The following KCNG4 variants were observed in gnomAD, a reference collection of about 807,000 sequenced individuals.
KCNG4 encodes potassium voltage-gated channel modifier subfamily G member 4, also known as voltage-gated potassium channel regulatory subunit KCNG4.
Under a neutral mutation model 28.2 loss-of-function variants are expected in KCNG4, and 30 were observed. The ratio of observed to expected loss-of-function variants is 1.06; its 90% CI spans 0.80 to 1.44. The LOEUF (loss-of-function observed/expected upper bound fraction) is 1.44. KCNG4 is among the 40% of genes most tolerant of loss of function. KCNG4 has a pLI of 0.00. For synonymous variants in KCNG4, 375 were observed against 315.5 expected, an observed-to-expected ratio of 1.19 and a Z score of -2.00; for missense variants, 879 against 712.3, an observed-to-expected ratio of 1.23 and a Z score of -2.66.
Position 84,237,433 on chromosome 16 carries a change from C to T in KCNG4, c.53G>A (p.Gly18Asp), listed in dbSNP as rs1438471553. The T allele has an allele frequency of 6.6e-7, 1 of 1,513,190 alleles. No homozygotes were observed. Among genetic ancestry groups the T allele is most frequent in the African/African-American group, 1.4e-5 (1 of 71,690 alleles). 93.7% of individuals were successfully genotyped at this position (1,513,190 alleles called of 1,614,324 possible). A position where few individuals can be genotyped will look rare whatever the true frequency, so the allele number is the denominator to read the frequency against. Residue 18 changes from glycine to aspartate, a missense_variant, in exon 2 of 3, where the codon GGT becomes GAT. By Grantham distance (94) the Gly-to-Asp change is moderately conservative. Transcript: ENST00000308251. ...GGLHPRHHHY[G>D]SHSPWSQLLS... is the part of the protein sequence containing the mutation. Reference sequence around the variant, plus strand: ...GAGCTGACTCCAAGGGCTGTGGGAACCATAGTGGTGGTGTCTGGGATGCAG... The same window carrying T: ...GAGCTGACTCCAAGGGCTGTGGGAATCATAGTGGTGGTGTCTGGGATGCAG...
At chr16:84,229,109 G>A (rs1395710248) in intron 2 of KCNG4, among the ~76,000 whole-genome samples, 1 of 152,090 alleles carries the variant, frequency 6.6e-6, no homozygotes, top group Non-Finnish European at 1.5e-5. Flanking sequence ...AGACCAGCCT[G>A]GCCAGTGTGT....
chr16:84,224,403 TACACACACACAC>T (rs58296563), intron 2 of KCNG4, among the ~76,000 whole-genome samples: 2 of 58,638 alleles, frequency 3.4e-5, no homozygotes, highest in East Asian at 5.3e-4. Flanking sequence ...TATACATATT[TACACACACACAC>T]ACACACACAC....
chr16:84,223,388 G>T (rs1173637797), intron 2 of KCNG4, among the ~76,000 whole-genome samples: 1 of 152,130 alleles, frequency 6.6e-6, no homozygotes, highest in Admixed American at 6.5e-5. Context: ...CTGGACCAGC[G>T]CCCCAGGGGA....
In KCNG4 at chr16:84,232,896, C is replaced by CAAAAA. The variant is rs60683135; in HGVS notation, c.756+3829_756+3833dup. On this transcript the variant is annotated intron_variant, in intron 2 of 2. Coordinates refer to ENST00000308251, the MANE Select transcript of KCNG4 (RefSeq NM_172347.3). ...CCTGGGGGACAGAGTGAAACCCTAT[C>CAAAAA]AAAAAAAAAAAAAAAAAAAATAGAG... is the stretch of plus-strand genomic sequence containing the variant. Among the ~76,000 whole-genome samples, 329 of 107,926 alleles carry CAAAAA rather than the reference C, an allele frequency of 3.0e-3. 8 individuals carry two copies. Among genetic ancestry groups the CAAAAA allele is most frequent in the East Asian group, 0.017 (66 of 3,824 alleles). The allele number at this position is 107,926 out of a possible 152,430, so 70.8% of individuals were successfully genotyped here.
At chr16:84,228,632 A>G (rs981000601) in intron 2 of KCNG4, among the ~76,000 whole-genome samples, 2 of 133,074 alleles carry the variant, frequency 1.5e-5, no homozygotes, top group African/African-American at 5.7e-5. Flanking sequence ...TCCTTCTAGC[A>G]GCTGTCCCCA....
chr16:84,238,464 G>A lies in KCNG4; in HGVS notation c.-40-939C>T, dbSNP rs141286642. On this transcript the variant is annotated intron_variant, in intron 1 of 2. Coordinates refer to ENST00000308251, the MANE Select transcript of KCNG4 (RefSeq NM_172347.3). ...TGCTAAGGGGACGGAGGAGCATTGCGTACTTGCAATCACAGTACTCCTCCA... is the reference window on the plus strand; with the variant it reads ...TGCTAAGGGGACGGAGGAGCATTGCATACTTGCAATCACAGTACTCCTCCA... Among the ~76,000 whole-genome samples, 112 of 152,316 alleles carry A rather than the reference G, an allele frequency of 7.4e-4. 1 individual carries two copies. The highest frequency in any genetic ancestry group is 1.3e-3 in the African/African-American group (54 of 41,566).
chr16:84,229,205 T>C (rs1904767502), intron 2 of KCNG4, among the ~76,000 whole-genome samples: 1 of 151,042 alleles, frequency 6.6e-6, no homozygotes, highest in Non-Finnish European at 1.5e-5. Context: ...GGCTGAGGCA[T>C]GAGAATCACT....
chr16:84,237,691 T>A (rs1484744746), intron 1 of KCNG4, among the ~76,000 whole-genome samples, 166 bp from the exon 2 acceptor site: 1 of 152,198 alleles, frequency 6.6e-6, no homozygotes, highest in Non-Finnish European at 1.5e-5. Flanking sequence ...ATTGAGCACC[T>A]ACTATGTGCT....
intron 2 of KCNG4, among the ~76,000 whole-genome samples, chr16:84,224,924 C>G (rs1904663059): frequency 2.0e-5 from 3 of 152,198 alleles, no homozygotes; most frequent in Admixed American, 6.5e-5. Context: ...CTCTCAGAGC[C>G]TAGCGCAGTT....
At chr16:84,228,451 A>T (rs1904745746) in intron 2 of KCNG4, among the ~76,000 whole-genome samples, 1 of 151,460 alleles carries the variant, frequency 6.6e-6, no homozygotes, top group African/African-American at 2.4e-5. Context: ...TGGGGCCTGG[A>T]TGTGCTGACT....
chr16:84,227,342 C>T (rs971521437), intron 2 of KCNG4, among the ~76,000 whole-genome samples: 4 of 152,178 alleles, frequency 2.6e-5, no homozygotes, highest in Admixed American at 6.5e-5. Context: ...TTTGGGAAGC[C>T]GAGGCGGGTG....
chr16:84,222,797 G>A lies in KCNG4; in HGVS notation c.980C>T (p.Ser327Phe), dbSNP rs1452519894. Residue 327 changes from serine (S) to phenylalanine (F), a missense_variant, in exon 3 of 3, where the codon TCC becomes TTC. Coordinates refer to ENST00000308251, the MANE Select transcript of KCNG4 (RefSeq NM_172347.3). Reference sequence around the variant, plus strand: ...GACCAGCCCCACCTTCTCCAGGTAGGAGCTCCCGCTCGGCCTCTCGCCGTC... The same window carrying A: ...GACCAGCCCCACCTTCTCCAGGTAGAAGCTCCCGCTCGGCCTCTCGCCGTC... The part of the protein sequence containing the change: ...PEDGERPSGS[S>F]YLEKVGLVLR... The A allele has an allele frequency of 6.2e-7, 1 of 1,610,388 alleles. No individual in the cohort carries two copies. Among genetic ancestry groups the A allele is most frequent in the Non-Finnish European group, 8.5e-7 (1 of 1,177,450 alleles).
At position 84,222,621 on chromosome 16, in the gene KCNG4, AG is replaced by A; in HGVS notation, c.1155del (p.Ser386ProfsTer31). The A allele has an allele frequency of 6.2e-7, 1 of 1,613,260 alleles. No homozygotes were observed. The highest frequency in any genetic ancestry group is 1.3e-5 in the African/African-American group (1 of 75,044). ...LLFLAVAITL[F>X]SPLVYVAEKE... ...TTCTCGGCCACGTAGACCAAAGGGGAGAAGAGGGTGATGGCCACGGCCAGGA... is the reference window on the plus strand; with the variant it reads ...TTCTCGGCCACGTAGACCAAAGGGGAAAGAGGGTGATGGCCACGGCCAGGA... On this transcript the variant is annotated frameshift_variant, in exon 3 of 3. Coordinates refer to ENST00000308251, the MANE Select transcript of KCNG4 (RefSeq NM_172347.3). LOFTEE classifies it high-confidence loss of function.
At chr16:84,235,568 C>T (rs1239434994) in intron 2 of KCNG4, 1 of 152,102 alleles carries the variant, frequency 6.6e-6, no homozygotes, top group Admixed American at 6.5e-5. Context: ...ACATTTTATT[C>T]AACCCATATT....
chr16:84,221,510 A>AGGTCC lies in KCNG4; in HGVS notation c.*706_*707insGGACC, dbSNP rs59521089. 6 of 151,804 alleles carry AGGTCC rather than the reference A, an allele frequency of 4.0e-5. No individual in the cohort carries two copies. Among genetic ancestry groups the AGGTCC allele is most frequent in the African/African-American group, 1.5e-4 (6 of 41,290 alleles). 9.4% of individuals were successfully genotyped at this position (151,804 alleles called of 1,614,324 possible). On this transcript the variant is annotated 3_prime_UTR_variant, in exon 3 of 3. Coordinates refer to ENST00000308251, the MANE Select transcript of KCNG4 (RefSeq NM_172347.3). ...GGTCCCAGGTCCCAGGTCCCAGGTC[A>AGGTCC]CAGATCCCAGGCATGCCTGGGGATG...
rs1904489631 is a variant in KCNG4, at chr16:84,218,777, A to G, written c.*3440T>C. On this transcript the variant is annotated 3_prime_UTR_variant, in exon 3 of 3. Coordinates refer to ENST00000308251, the MANE Select transcript of KCNG4 (RefSeq NM_172347.3). ...ATCTCAACTGGGTGAACATTAAGAC[A>G]CTATAGAATCTCATAATGGTGGTGG... is the stretch of plus-strand genomic sequence containing the variant. The G allele has an allele frequency of 6.6e-6, 1 of 152,242 alleles. No individual in the cohort carries two copies. Among genetic ancestry groups the G allele is most frequent in the Non-Finnish European group, 1.5e-5 (1 of 68,042 alleles). 9.4% of individuals were successfully genotyped at this position (152,242 alleles called of 1,614,324 possible). A position where few individuals can be genotyped will look rare whatever the true frequency, so the allele number is the denominator to read the frequency against.
At position 84,219,604 on chromosome 16, in the gene KCNG4, G is replaced by C. The variant is rs1904508478; in HGVS notation, c.*2613C>G. On this transcript the variant is annotated 3_prime_UTR_variant, in exon 3 of 3. Coordinates refer to ENST00000308251, the MANE Select transcript of KCNG4 (RefSeq NM_172347.3). ...TTATCCAGGCGTGGTGGTGGCACCT[G>C]TAGTCACAGCTACTCAGGAGGCTGA... The C allele has an allele frequency of 6.6e-6, 1 of 151,936 alleles. No homozygotes were observed. The highest frequency in any genetic ancestry group is 1.5e-5 in the Non-Finnish European group (1 of 68,060). The allele number at this position is 151,936 out of a possible 1,614,324, so 9.4% of individuals were successfully genotyped here.
intron 2 of KCNG4, among the ~76,000 whole-genome samples, chr16:84,227,289 TAC>T (rs1396943130): frequency 6.6e-6 from 1 of 152,150 alleles, no homozygotes; most frequent in Non-Finnish European, 1.5e-5. Flanking sequence ...CAAAAACTTG[TAC>T]ACAGGCCGGG....
intron 2 of KCNG4, chr16:84,235,633 C>A (rs967945199): frequency 4.6e-5 from 7 of 152,192 alleles, no homozygotes; most frequent in African/African-American, 1.7e-4. Context: ...TAAGTCTTTT[C>A]TATCTGGCAA....
Sources: gnomAD v4.1 joint callset for allele counts (sites outside exome capture counted in the v4.1 genomes callset) on GRCh38, gnomAD v4.1.1 for gene constraint, MANE v1.5 for transcripts, NCBI Gene and HGNC (gene_info 2026-07-23, HGNC 2026-07-21) for gene names.